ITSN1: variants seen among roughly 807,000 people sequenced by gnomAD.
The protein encoded by ITSN1 is intersectin 1, also known as intersectin-1.
In ITSN1, 58 loss-of-function variants were observed where a neutral mutation model predicts 239.8. That is an observed-to-expected ratio of 0.24 (90% CI 0.20 to 0.30). The LOEUF is 0.30. Among genes scored for constraint, ITSN1 ranks in the 10% least tolerant of loss-of-function variants. The pLI is 1.00. For synonymous variants in ITSN1, 780 were observed against 770.8 expected, an observed-to-expected ratio of 1.01 and a Z score of -0.20; for missense variants, 1,558 against 2,103.3, an observed-to-expected ratio of 0.74 and a Z score of 5.07.
chr21:33,670,510 A>T (rs2146367818), intron 1 of ITSN1, among the ~76,000 whole-genome samples: 1 of 152,202 alleles, frequency 6.6e-6, no homozygotes, highest in South Asian at 2.1e-4. Flanking sequence ...ACAACAACAT[A>T]AAATGTAGTC....
intron 1 of ITSN1, among the ~76,000 whole-genome samples, chr21:33,665,347 G>T (rs1201369725): frequency 6.6e-6 from 1 of 152,114 alleles, no homozygotes; most frequent in Non-Finnish European, 1.5e-5. Context: ...TTCCAAAGAA[G>T]ATATCCAAAT....
At chr21:33,792,629 G>GA (rs1032397725) in intron 16 of ITSN1, among the ~76,000 whole-genome samples, 1 of 152,090 alleles carries the variant, frequency 6.6e-6, no homozygotes, top group African/African-American at 2.4e-5. Flanking sequence ...GAAAGATGAT[G>GA]AAAAATGGAC....
chr21:33,827,289 A>G (rs1430039454), intron 26 of ITSN1, among the ~76,000 whole-genome samples: 1 of 152,036 alleles, frequency 6.6e-6, no homozygotes, highest in African/African-American at 2.4e-5. Context: ...AATCCCAGCT[A>G]CTCGAGAGGC....
At position 33,885,538 on chromosome 21, in the gene ITSN1, G is replaced by A. The variant is rs892325080; in HGVS notation, c.4843+16G>A. 1.7e-5 allele frequency: 28 copies of A among 1,609,866 alleles called. No homozygotes were observed. Among genetic ancestry groups the A allele is most frequent in the East Asian group, 2.2e-5 (1 of 44,840 alleles). On this transcript the variant is annotated intron_variant, in intron 38 of 39. Transcript: ENST00000381318. The stretch of plus-strand genomic sequence containing the variant: ...CGGTCACATGGTAAGGCTGTGAGGC[G>A]CCCCCGGCTCCTGCTTTGGGGTTGG...
intron 5 of ITSN1, among the ~76,000 whole-genome samples, chr21:33,741,106 G>T (rs1258045917): frequency 6.6e-6 from 1 of 152,106 alleles, no homozygotes; most frequent in Non-Finnish European, 1.5e-5. Context: ...TAGGTTAGGG[G>T]TCTGCAGCAC....
At chr21:33,817,651 T>C (rs965571596) in intron 22 of ITSN1, 4 of 1,219,834 alleles carry the variant, frequency 3.3e-6, no homozygotes, top group Admixed American at 6.1e-5. Context: ...CCCTAAATTA[T>C]CTGGGGGAGG....
At chr21:33,759,039 A>AT (rs985376232) in intron 8 of ITSN1, among the ~76,000 whole-genome samples, 1 of 152,208 alleles carries the variant, frequency 6.6e-6, no homozygotes, top group African/African-American at 2.4e-5. Context: ...ATTACAAGAG[A>AT]TAATTGTGAT....
At chr21:33,881,844 G>A (rs532111826) in intron 34 of ITSN1, among the ~76,000 whole-genome samples, 2 of 151,636 alleles carry the variant, frequency 1.3e-5, no homozygotes, top group South Asian at 4.2e-4. Flanking sequence ...TGTGTTGGGG[G>A]GCTGAGATGG....
rs2147820200 is a variant in ITSN1 at position 33,775,117 on chromosome 21, A to G, written c.1596+9A>G. On this transcript the variant is annotated intron_variant, in intron 14 of 39. Coordinates refer to ENST00000381318, the MANE Select transcript of ITSN1 (RefSeq NM_003024.3). ...TACAGCAACAATTACAGGTGAGGAA[A>G]TATGCCTCTTAAAAGCTATTATATT... The G allele has an allele frequency of 4.4e-6, 7 of 1,602,560 alleles. No homozygotes were observed. The highest frequency in any genetic ancestry group is 5.9e-6 in the Non-Finnish European group (7 of 1,176,828).
chr21:33,730,541 C>T (rs1331452072), intron 4 of ITSN1, among the ~76,000 whole-genome samples: 2 of 151,458 alleles, frequency 1.3e-5, no homozygotes, highest in African/African-American at 4.9e-5. Flanking sequence ...GCTGGGATTA[C>T]AGGCACGTGC....
chr21:33,764,899 T>C (rs2068613866), intron 9 of ITSN1, among the ~76,000 whole-genome samples: 1 of 152,208 alleles, frequency 6.6e-6, no homozygotes. Flanking sequence ...TGAAGAATGA[T>C]GGAGATTGAA....
chr21:33,860,926 C>A (rs1190862533), intron 31 of ITSN1, among the ~76,000 whole-genome samples: 1 of 152,062 alleles, frequency 6.6e-6, no homozygotes, highest in South Asian at 2.1e-4. Flanking sequence ...AGGGGCACGC[C>A]GTCCATCAGG....
At chr21:33,757,463 T>C (rs1348570046) in intron 8 of ITSN1, among the ~76,000 whole-genome samples, 2 of 152,250 alleles carry the variant, frequency 1.3e-5, no homozygotes, top group Non-Finnish European at 2.9e-5. Context: ...AATTTTACTT[T>C]TGAGCCAGAC....
chr21:33,661,449 T>A (rs76301021), intron 1 of ITSN1, among the ~76,000 whole-genome samples: 2 of 152,236 alleles, frequency 1.3e-5, no homozygotes, highest in East Asian at 3.9e-4. Flanking sequence ...TTTTTTTTTT[T>A]ATGTGAGTGT....
chr21:33,885,391 G>A (rs1985618427), intron 37 of ITSN1, 48 bp from the exon 38 acceptor site: 1 of 1,513,618 alleles, frequency 6.6e-7, no homozygotes, highest in Non-Finnish European at 9.2e-7. Context: ...GATGGGAAAG[G>A]TGTGGCACGT....
rs536192094 is a variant in ITSN1 at position 33,658,991 on chromosome 21, A to G, written c.-33+16278A>G. On this transcript the variant is annotated intron_variant, in intron 1 of 39. Coordinates refer to ENST00000381318, the MANE Select transcript of ITSN1 (RefSeq NM_003024.3). ...GGATGAGGGGCTGGACACCCTCAGA[A>G]TTGGGGGTGGTCCGGAGGAAGCAGT... 2.0e-5 allele frequency among the ~76,000 whole-genome samples: 3 copies of G among 152,166 alleles called. No homozygotes were observed. The South Asian group carries it at 6.2e-4, about 32-fold the overall frequency.
intron 26 of ITSN1, chr21:33,828,905 A>T (rs1602484711): frequency 2.1e-6 from 1 of 469,946 alleles, no homozygotes; most frequent in East Asian, 6.9e-5. Context: ...AAAGTACAGA[A>T]CTGTTCACAT....
At chr21:33,820,965 G>T (rs914075434) in intron 24 of ITSN1, among the ~76,000 whole-genome samples, 1 of 152,168 alleles carries the variant, frequency 6.6e-6, no homozygotes, top group Non-Finnish European at 1.5e-5. Context: ...TTATGCCTTA[G>T]CTTCTTTGTC....
chr21:33,753,307 T>C (rs2067682489), intron 7 of ITSN1, among the ~76,000 whole-genome samples: 2 of 152,168 alleles, frequency 1.3e-5, no homozygotes, highest in Non-Finnish European at 2.9e-5. Context: ...ACATCATTAA[T>C]CCTATTCAAC....
Sources: allele counts gnomAD v4.1 joint callset (sites outside exome capture counted in the v4.1 genomes callset), GRCh38; gene constraint gnomAD v4.1.1; transcripts MANE v1.5; gene names NCBI Gene and HGNC (gene_info 2026-07-23, HGNC 2026-07-21).